EYS: variants seen among roughly 807,000 people sequenced by gnomAD.
EYS encodes protein eyes shut homolog.
In EYS, 250 loss-of-function variants were observed where a neutral mutation model predicts 282.1. The ratio of observed to expected loss-of-function variants is 0.89; its 90% CI spans 0.80 to 0.98. The LOEUF is 0.98. EYS is among the 50% of genes least tolerant of loss of function. The pLI is 0.00. For synonymous variants in EYS, 1,355 were observed against 1,282.9 expected, an observed-to-expected ratio of 1.06 and a Z score of -1.20; for missense variants, 4,016 against 3,709.0, an observed-to-expected ratio of 1.08 and a Z score of -2.15.
chr6:63,765,761 T>C (rs1769772659), intron 40 of EYS, among the ~76,000 whole-genome samples: 1 of 152,042 alleles, frequency 6.6e-6, no homozygotes, highest in Admixed American at 6.6e-5. Flanking sequence ...TCACTAGTTT[T>C]TTGTACCCAT....
chr6:64,915,654 T>A (rs1428989848), intron 15 of EYS, among the ~76,000 whole-genome samples: 1 of 152,186 alleles, frequency 6.6e-6, no homozygotes, highest in African/African-American at 2.4e-5. Flanking sequence ...ACAATGTGTA[T>A]CTCAGCAATG....
intron 9 of EYS, among the ~76,000 whole-genome samples, chr6:65,347,417 ATGTT>A (rs1235276771): frequency 2.0e-5 from 3 of 151,874 alleles, no homozygotes; most frequent in East Asian, 3.9e-4. Flanking sequence ...GTGAAGTAAA[ATGTT>A]TGTGCAGTGT....
At chr6:65,653,372 C>G (rs540293480) in intron 1 of EYS, among the ~76,000 whole-genome samples, 1 of 151,838 alleles carries the variant, frequency 6.6e-6, no homozygotes, top group Non-Finnish European at 1.5e-5. Context: ...AAGAGTGAAT[C>G]TAGAGATATA....
At chr6:64,746,339 AC>A (rs1435578505) in intron 22 of EYS, among the ~76,000 whole-genome samples, 1 of 152,026 alleles carries the variant, frequency 6.6e-6, no homozygotes, top group Non-Finnish European at 1.5e-5. Context: ...TGTCACCCCT[AC>A]TTTGCCTTCT....
At chr6:63,798,941 A>ATATATATATATATGTATATGTGTG (rs1770706697) in intron 37 of EYS, among the ~76,000 whole-genome samples, 7 of 138,424 alleles carry the variant, frequency 5.1e-5, no homozygotes, top group Non-Finnish European at 1.1e-4. Flanking sequence ...TTCTTCTAAA[A>ATATATATATATATGTATATGTGTG]TATATATATA....
At chr6:64,559,271 A>ATGTGTGTG (rs4034160) in intron 26 of EYS, among the ~76,000 whole-genome samples, 3,831 of 142,274 alleles carry the variant, frequency 0.027, 82 homozygotes, top group East Asian at 0.092. Flanking sequence ...GTGTGTGTGC[A>ATGTGTGTG]TGTGTGTGTG....
intron 40 of EYS, among the ~76,000 whole-genome samples, chr6:63,765,526 G>A (rs1769765640): frequency 6.6e-6 from 1 of 151,702 alleles, no homozygotes; most frequent in Non-Finnish European, 1.5e-5. Flanking sequence ...TGGGTACATA[G>A]TAGGTGTACA....
intron 31 of EYS, among the ~76,000 whole-genome samples, chr6:64,142,975 A>G (rs1197137100): frequency 6.6e-6 from 1 of 152,222 alleles, no homozygotes; most frequent in African/African-American, 2.4e-5. Flanking sequence ...GTATATCCAA[A>G]CAATGAATAT....
chr6:64,562,714 T>G (rs2149812703), intron 26 of EYS, among the ~76,000 whole-genome samples: 1 of 152,120 alleles, frequency 6.6e-6, no homozygotes, highest in Admixed American at 6.5e-5. Context: ...TCTAAACTGT[T>G]ATCTTTAATA....
intron 2 of EYS, among the ~76,000 whole-genome samples, chr6:65,599,089 T>C (rs1453920500): frequency 1.3e-5 from 2 of 152,038 alleles, no homozygotes; most frequent in Admixed American, 6.6e-5. Flanking sequence ...CAGTCAGCCT[T>C]GTGGAAATCA....
At chr6:65,469,554 A>T (rs1439867801) in intron 5 of EYS, among the ~76,000 whole-genome samples, 3 of 152,090 alleles carry the variant, frequency 2.0e-5, no homozygotes, top group Non-Finnish European at 4.4e-5. Flanking sequence ...ACACCTTCAA[A>T]TCTATGAGTC....
rs11331907 is a variant in EYS at position 64,593,022 on chromosome 6, GAA to G, written c.3877+93_3877+94del. On this transcript the variant is annotated intron_variant, in intron 25 of 42. Coordinates refer to ENST00000503581, the MANE Select transcript of EYS (RefSeq NM_001142800.2). Reference sequence around the variant, plus strand: ...ACACCCCTAAAAATCATGTATCTCAGAAAAAAAAAAGATTTTAATAATGCAGA... The same window carrying G: ...ACACCCCTAAAAATCATGTATCTCAGAAAAAAAAGATTTTAATAATGCAGA... The G allele has an allele frequency of 4.9e-3, 4,111 of 832,842 alleles. 123 individuals carry two copies. The African/African-American group carries it at 0.064, about 13-fold the overall frequency. The allele number at this position is 832,842 out of a possible 1,614,324, so 51.6% of individuals were successfully genotyped here.
chr6:64,343,840 A>C (rs1448253898), intron 29 of EYS, among the ~76,000 whole-genome samples: 1 of 152,092 alleles, frequency 6.6e-6, no homozygotes, highest in Non-Finnish European at 1.5e-5. Context: ...AGAGAGAAGA[A>C]TCAAATAGAC....
At chr6:65,694,757 A>AAC (rs1769381103) in intron 1 of EYS, among the ~76,000 whole-genome samples, 1 of 149,990 alleles carries the variant, frequency 6.7e-6, no homozygotes, top group South Asian at 2.1e-4. Flanking sequence ...AAAAAAAAAA[A>AAC]ACTTTGTAAA....
intron 7 of EYS, among the ~76,000 whole-genome samples, chr6:65,398,672 T>C (rs374229037): frequency 9.9e-4 from 150 of 152,208 alleles, no homozygotes; most frequent in African/African-American, 3.5e-3. Flanking sequence ...TGGTTTTAAA[T>C]GTCATGTCTC....
intron 11 of EYS, among the ~76,000 whole-genome samples, chr6:65,315,214 T>C (rs1769266843): frequency 6.6e-6 from 1 of 152,150 alleles, no homozygotes. Context: ...TTCTAATTCA[T>C]AGACATTCTA....
Position 64,230,786 on chromosome 6 carries a change from AC to A in EYS, c.6229del (p.Val2077LeufsTer6). 8 of 1,551,308 alleles carry A rather than the reference AC, an allele frequency of 5.2e-6. No homozygotes were observed. Among genetic ancestry groups the A allele is most frequent in the Non-Finnish European group, 6.1e-6 (7 of 1,146,642 alleles). ...CCCTTGTGTCACATCAGAAGCATCA[AC>A]AAAGGAGGCTGTTGGAGACAGCATA... ...GFMLSPTASFVDASDVTQGVD... is the reference protein window; with the variant it reads ...GFMLSPTASFXDASDVTQGVD... On this transcript the variant is annotated frameshift_variant, in exon 31 of 43. Transcript: ENST00000503581. LOFTEE classifies it high-confidence loss of function.
At chr6:65,458,364 A>G (rs1376672725) in intron 5 of EYS, among the ~76,000 whole-genome samples, 1 of 152,024 alleles carries the variant, frequency 6.6e-6, no homozygotes, top group Non-Finnish European at 1.5e-5. Flanking sequence ...GAAACTACGG[A>G]TTCATCTTTG....
At chr6:64,472,564 A>C (rs1267871050) in intron 26 of EYS, among the ~76,000 whole-genome samples, 1 of 152,194 alleles carries the variant, frequency 6.6e-6, no homozygotes, top group East Asian at 1.9e-4. Flanking sequence ...ATATAACTTT[A>C]AGTCTGTTTG....
Sources: gnomAD v4.1 joint callset for allele counts (sites outside exome capture counted in the v4.1 genomes callset) on GRCh38, gnomAD v4.1.1 for gene constraint, MANE v1.5 for transcripts, NCBI Gene and HGNC (gene_info 2026-07-23, HGNC 2026-07-21) for gene names.